Variants in LAMA1 observed in about 807,000 individuals in gnomAD.
The protein encoded by LAMA1 is laminin subunit alpha-1.
Under a neutral mutation model 348.7 loss-of-function variants are expected in LAMA1, and 219 were observed. The ratio of observed to expected loss-of-function variants is 0.63; its 90% CI spans 0.56 to 0.70. The LOEUF is 0.70. Ranked by LOEUF, LAMA1 falls within the 30% of genes least tolerant of loss-of-function variation. The pLI, the probability that LAMA1 is intolerant of heterozygous loss-of-function variation, is 0.00. For synonymous variants in LAMA1, 1,487 were observed against 1,491.0 expected (o/e 1.00, Z 0.06); for missense variants, 3,744 against 3,888.0 (o/e 0.96, Z 0.99).
At chr18:6,979,658 G>C (rs139980075) in intron 42 of LAMA1, among the ~76,000 whole-genome samples, 47 of 152,300 alleles carry the variant, frequency 3.1e-4, no homozygotes, top group African/African-American at 1.1e-3. Flanking sequence ...CCAACACTTT[G>C]GGAGGCCAAG....
intron 47 of LAMA1, chr18:6,972,342 A>C (rs910077967): frequency 3.1e-6 from 1 of 326,230 alleles, no homozygotes; most frequent in African/African-American, 2.2e-5. Flanking sequence ...GATCCAAAAA[A>C]CACAATTATA....
chr18:7,023,101 T>C, intron 19 of LAMA1, 63 bp downstream of exon 19: 3 of 1,539,644 alleles, frequency 1.9e-6, no homozygotes, highest in Non-Finnish European at 2.6e-6. Flanking sequence ...CACATGTGAC[T>C]ATACGGTTGA....
chr18:7,106,023 C>T (rs1228758882), intron 1 of LAMA1, among the ~76,000 whole-genome samples: 3 of 152,198 alleles, frequency 2.0e-5, no homozygotes. Flanking sequence ...ACTGATCCAA[C>T]GTGGTCTCTA....
intron 48 of LAMA1, among the ~76,000 whole-genome samples, chr18:6,969,897 C>T (rs1167258290): frequency 6.6e-5 from 10 of 152,146 alleles, no homozygotes; most frequent in Admixed American, 6.5e-4. Flanking sequence ...TGTAGCTTGA[C>T]GTCAATGATT....
chr18:6,989,663 C>T (rs890079843), intron 36 of LAMA1, among the ~76,000 whole-genome samples: 2 of 151,882 alleles, frequency 1.3e-5, no homozygotes, highest in African/African-American at 4.8e-5. Flanking sequence ...CCTAGAGGCC[C>T]TCGCCAATAG....
chr18:7,053,563 A>G (rs1310104159), intron 3 of LAMA1, among the ~76,000 whole-genome samples: 4 of 152,308 alleles, frequency 2.6e-5, no homozygotes, highest in African/African-American at 9.6e-5. Context: ...GGGGGGAAAA[A>G]AAAATGAATG....
At chr18:6,947,701 C>T (rs1373815677) in intron 60 of LAMA1, among the ~76,000 whole-genome samples, 1 of 152,154 alleles carries the variant, frequency 6.6e-6, no homozygotes, top group African/African-American at 2.4e-5. Flanking sequence ...TTGTGGGAAT[C>T]ATCATTTACT....
At chr18:7,044,591 C>A (rs994251868) in intron 7 of LAMA1, 131 bp downstream of exon 7, 2 of 811,480 alleles carry the variant, frequency 2.5e-6, no homozygotes, top group African/African-American at 1.7e-5. Context: ...AGGTCATCTG[C>A]AGCTTTGGAA....
intron 62 of LAMA1, among the ~76,000 whole-genome samples, chr18:6,942,517 G>T (rs1278841611): frequency 6.6e-6 from 1 of 151,820 alleles, no homozygotes; most frequent in Non-Finnish European, 1.5e-5. Flanking sequence ...GGGTTCAAGT[G>T]ATTCTCCTGT....
intron 1 of LAMA1, among the ~76,000 whole-genome samples, chr18:7,091,593 T>C (rs1018279531): frequency 4.6e-5 from 7 of 152,252 alleles, no homozygotes; most frequent in Non-Finnish European, 1.0e-4. Context: ...AGATTTTACT[T>C]GCTTATGCTT....
chr18:6,956,694 G>T lies in LAMA1; in HGVS notation c.8036C>A (p.Pro2679His). 1 of 1,614,200 alleles carries T rather than the reference G, an allele frequency of 6.2e-7. No individual in the cohort carries two copies. The highest frequency in any genetic ancestry group is 8.5e-7 in the Non-Finnish European group (1 of 1,180,038). ...DLDTCWLSER[P>H]KLAPDAEDSK... ...GTCCTCTGCATCGGGAGCCAGCTTA[G>T]GCCTTTCTGACAGCCAGCAGGTGTC... Residue 2679 changes from proline to histidine, a missense_variant, in exon 56 of 63, where the codon CCT becomes CAT. Physicochemically the swap from Pro to His is moderately conservative, Grantham distance 77. This residue lies in a region of LAMA1 where 1,983 missense variants were observed against 1,934.3 expected (regional missense o/e 1.03). Transcript: ENST00000389658.
At chr18:6,995,308 T>C in intron 34 of LAMA1, 49 bp downstream of exon 34, 1 of 1,283,316 alleles carries the variant, frequency 7.8e-7, no homozygotes, top group Middle Eastern at 1.8e-4. Context: ...TCAGGAGGGC[T>C]GATGGGAGGG....
intron 19 of LAMA1, among the ~76,000 whole-genome samples, chr18:7,021,537 T>C (rs1193376380): frequency 6.6e-6 from 1 of 152,072 alleles, no homozygotes; most frequent in African/African-American, 2.4e-5. Flanking sequence ...AGCATCCTAA[T>C]TGAGCTGGGC....
intron 46 of LAMA1, among the ~76,000 whole-genome samples, chr18:6,973,408 T>C (rs1238099347): frequency 2.0e-5 from 3 of 152,154 alleles, no homozygotes; most frequent in Non-Finnish European, 4.4e-5. Context: ...TTTCATCATG[T>C]TGTGTCCCTG....
intron 39 of LAMA1, 80 bp from the exon 40 acceptor site, chr18:6,983,314 T>A: frequency 6.8e-7 from 1 of 1,478,840 alleles, no homozygotes; most frequent in Non-Finnish European, 9.4e-7. Context: ...CATAAATGCC[T>A]ACCAGTTTTG....
chr18:7,025,919 G>C (rs886075684), intron 17 of LAMA1, 60 bp downstream of exon 17: 4 of 1,565,306 alleles, frequency 2.6e-6, no homozygotes, highest in Non-Finnish European at 1.7e-6. Context: ...TCATTAGTAC[G>C]CATCTGGGTG....
At chr18:6,978,734 G>A (rs1185282504) in intron 42 of LAMA1, among the ~76,000 whole-genome samples, 1 of 152,154 alleles carries the variant, frequency 6.6e-6, no homozygotes, top group Admixed American at 6.5e-5. Context: ...ATCTTAATAA[G>A]CTGAACTTCT....
chr18:7,016,359 G>A (rs1276858212), intron 21 of LAMA1, 132 bp downstream of exon 21: 1 of 994,764 alleles, frequency 1.0e-6, no homozygotes, highest in Non-Finnish European at 1.5e-6. Context: ...CCAGAAAAAA[G>A]GTATGAAATC....
chr18:7,058,542 G>A (rs985784996), intron 3 of LAMA1, among the ~76,000 whole-genome samples: 1 of 152,208 alleles, frequency 6.6e-6, no homozygotes, highest in South Asian at 2.1e-4. Context: ...TCTTTAAAGA[G>A]GTGATTAAGT....
Sources: gnomAD v4.1 joint callset for allele counts (sites outside exome capture counted in the v4.1 genomes callset) on GRCh38, gnomAD v4.1.1 for gene constraint, gnomAD v4.1.1 regional missense constraint, MANE v1.5 for transcripts, NCBI Gene and HGNC (gene_info 2026-07-23, HGNC 2026-07-21) for gene names.